The following CNTNAP2 variants were observed in gnomAD, a reference collection of about 807,000 sequenced individuals.
CNTNAP2 encodes contactin-associated protein-like 2.
CNTNAP2 carries 98 observed loss-of-function variants against 155.2 expected under a neutral mutation model. That is an observed-to-expected ratio of 0.63 (90% CI 0.54 to 0.75). The LOEUF is 0.75. Ranked by LOEUF, CNTNAP2 falls within the 30% of genes least tolerant of loss-of-function variation. The pLI is 0.00. For missense variants in CNTNAP2, 1,727 were observed against 1,688.1 expected, an observed-to-expected ratio of 1.02 and a Z score of -0.40; for synonymous variants, 651 against 631.2, an observed-to-expected ratio of 1.03 and a Z score of -0.47.
chr7:146,678,289 G>A (rs939886501), intron 1 of CNTNAP2, among the ~76,000 whole-genome samples: 1 of 151,844 alleles, frequency 6.6e-6, no homozygotes, highest in Non-Finnish European at 1.5e-5. Flanking sequence ...GGCTGGTTTA[G>A]TCTCAAGCTC....
chr7:148,082,742 C>A (rs117446721), intron 15 of CNTNAP2, among the ~76,000 whole-genome samples: 4,294 of 152,136 alleles, frequency 0.028, 86 homozygotes, highest in South Asian at 0.065. Context: ...GCAATGGCAC[C>A]ATCTCAGCTT....
chr7:147,168,076 T>C (rs1439575462), intron 8 of CNTNAP2, among the ~76,000 whole-genome samples: 1 of 148,884 alleles, frequency 6.7e-6, no homozygotes, highest in African/African-American at 2.4e-5. Flanking sequence ...TATATATTTA[T>C]ACATATATAT....
At chr7:146,980,741 C>T (rs140288193) in intron 3 of CNTNAP2, among the ~76,000 whole-genome samples, 41 of 152,286 alleles carry the variant, frequency 2.7e-4, no homozygotes, top group Middle Eastern at 3.4e-3. Context: ...CTGCGCTAAA[C>T]TATTCATGAT....
At chr7:148,248,573 C>T (rs939384022) in intron 20 of CNTNAP2, among the ~76,000 whole-genome samples, 6 of 152,112 alleles carry the variant, frequency 3.9e-5, no homozygotes, top group Non-Finnish European at 5.9e-5. Flanking sequence ...TTCTTCTTGT[C>T]GTGTGTATCT....
chr7:147,902,054 A>C (rs1262589848), intron 13 of CNTNAP2, among the ~76,000 whole-genome samples: 1 of 152,230 alleles, frequency 6.6e-6, no homozygotes, highest in Non-Finnish European at 1.5e-5. Flanking sequence ...CTTAGTTCAC[A>C]AAAAAGCATG....
At chr7:147,507,259 A>C (rs893948007) in intron 11 of CNTNAP2, among the ~76,000 whole-genome samples, 9 of 152,192 alleles carry the variant, frequency 5.9e-5, no homozygotes, top group Non-Finnish European at 1.2e-4. Flanking sequence ...AGGAAAGTAG[A>C]TAAGAATGCA....
intron 20 of CNTNAP2, among the ~76,000 whole-genome samples, chr7:148,244,926 C>T (rs1309650421): frequency 6.6e-6 from 1 of 151,904 alleles, no homozygotes. Flanking sequence ...TTATAGATTA[C>T]ATATAGTAGT....
At chr7:148,138,449 G>T (rs967502352) in intron 16 of CNTNAP2, among the ~76,000 whole-genome samples, 5 of 152,068 alleles carry the variant, frequency 3.3e-5, no homozygotes, top group African/African-American at 1.2e-4. Flanking sequence ...TTGATGAACT[G>T]GCTCTCTCTG....
chr7:147,729,426 A>ATG (rs1554427383), intron 13 of CNTNAP2, among the ~76,000 whole-genome samples: 1 of 20,358 alleles, frequency 4.9e-5, no homozygotes, highest in Admixed American at 3.1e-4. Flanking sequence ...GCACACACAC[A>ATG]CGCACACACA....
At chr7:148,074,652 C>A (rs972888110) in intron 15 of CNTNAP2, among the ~76,000 whole-genome samples, 1 of 151,106 alleles carries the variant, frequency 6.6e-6, no homozygotes, top group African/African-American at 2.4e-5. Flanking sequence ...TGCGCCACTG[C>A]ACTCCAGCCG....
At chr7:147,427,383 G>T (rs1271070877) in intron 10 of CNTNAP2, among the ~76,000 whole-genome samples, 1 of 152,070 alleles carries the variant, frequency 6.6e-6, no homozygotes, top group Non-Finnish European at 1.5e-5. Context: ...TATTGAATAT[G>T]GGTTCTTTCA....
intron 8 of CNTNAP2, among the ~76,000 whole-genome samples, chr7:147,287,940 C>A (rs1053062369): frequency 3.3e-5 from 5 of 152,124 alleles, no homozygotes; most frequent in Admixed American, 3.3e-4. Context: ...GTAAGAGCAT[C>A]CTAATAGATG....
chr7:146,146,041 A>G (rs1241708952), intron 1 of CNTNAP2, among the ~76,000 whole-genome samples: 1 of 152,194 alleles, frequency 6.6e-6, no homozygotes, highest in East Asian at 1.9e-4. Flanking sequence ...ATTTTGTTTT[A>G]AGAATATTGT....
At chr7:146,973,569 A>G (rs956657360) in intron 3 of CNTNAP2, among the ~76,000 whole-genome samples, 1 of 152,242 alleles carries the variant, frequency 6.6e-6, no homozygotes, top group Non-Finnish European at 1.5e-5. Flanking sequence ...TAATAAACCT[A>G]TGTTAAGGTT....
At chr7:146,499,695 G>T (rs1797272050) in intron 1 of CNTNAP2, among the ~76,000 whole-genome samples, 1 of 151,780 alleles carries the variant, frequency 6.6e-6, no homozygotes, top group African/African-American at 2.4e-5. Flanking sequence ...TGCGGTGTTT[G>T]GTTACCTGTT....
At chr7:146,314,131 AT>A (rs1288017954) in intron 1 of CNTNAP2, among the ~76,000 whole-genome samples, 10 of 152,174 alleles carry the variant, frequency 6.6e-5, no homozygotes, top group African/African-American at 2.4e-4. Context: ...GTCATTTCCT[AT>A]TATGTATTCT....
rs193084824 is a variant in CNTNAP2 at position 147,882,317 on chromosome 7, C to T, written c.2099-21248C>T. Among the ~76,000 whole-genome samples, 197 of 152,326 alleles carry T rather than the reference C, an allele frequency of 1.3e-3. 1 individual carries two copies. The highest frequency in any genetic ancestry group is 4.5e-3 in the African/African-American group (186 of 41,586). On this transcript the variant is annotated intron_variant, in intron 13 of 23. Transcript: ENST00000361727. ...GGCTCCAATTTCAGTGATCACCTCACTCACTGATCTCTATTTCACAGCCAC... is the reference window on the plus strand; with the variant it reads ...GGCTCCAATTTCAGTGATCACCTCATTCACTGATCTCTATTTCACAGCCAC...
At chr7:147,543,115 TTTA>T (rs1200370210) in intron 11 of CNTNAP2, among the ~76,000 whole-genome samples, 1 of 152,206 alleles carries the variant, frequency 6.6e-6, no homozygotes, top group East Asian at 1.9e-4. Context: ...TACCCACATA[TTTA>T]TTAACAGCAA....
chr7:146,300,973 T>C (rs1427666425), intron 1 of CNTNAP2, among the ~76,000 whole-genome samples: 1 of 152,172 alleles, frequency 6.6e-6, no homozygotes, highest in East Asian at 1.9e-4. Flanking sequence ...GGGTGGACTG[T>C]TCAACATAAC....
Sources: gnomAD v4.1 joint callset for allele counts (sites outside exome capture counted in the v4.1 genomes callset) on GRCh38, gnomAD v4.1.1 for gene constraint, MANE v1.5 for transcripts, NCBI Gene and HGNC (gene_info 2026-07-23, HGNC 2026-07-21) for gene names.